The following F9 variants were observed in gnomAD, a reference collection of about 807,000 sequenced individuals.
F9 encodes the protein coagulation factor IX.
F9 carries 2 observed loss-of-function variants against 34.1 expected under a neutral mutation model. That is an observed-to-expected ratio of 0.06 (90% CI 0.02 to 0.18). F9 has a LOEUF of 0.18. F9 is among the 10% of genes least tolerant of loss of function. The probability of loss-of-function intolerance (pLI) is 1.00; values close to 1 mark genes in which losing one functional copy is unlikely to be tolerated. For synonymous variants in F9, 137 were observed against 118.8 expected (o/e 1.15, Z -1.00); for missense variants, 216 against 345.1 (o/e 0.63, Z 2.96).
At chrX:139,559,975 G>A (rs1026722069) in intron 6 of F9, among the ~76,000 whole-genome samples, 1 of 112,331 alleles carries the variant, frequency 8.9e-6, no homozygotes. Flanking sequence ...CTGTAATTAT[G>A]CAACGAATAT....
rs1374440076 is a variant in F9 at position 139,537,359 on chromosome X, T to C, written c.253-3T>C. On this transcript the variant is annotated splice_polypyrimidine_tract_variant and splice_region_variant and intron_variant, in intron 2 of 7. Coordinates refer to ENST00000218099, the MANE Select transcript of F9 (RefSeq NM_000133.4). ...TTAATTTGTCTTCTTTTATTCTTTA[T>C]AGACTGAATTTTGGAAGCAGTATGT... 14 of 1,188,745 alleles carry C rather than the reference T, an allele frequency of 1.2e-5. 1 individual carries two copies. The highest frequency in any genetic ancestry group is 1.6e-5 in the Non-Finnish European group (14 of 876,137).
intron 4 of F9, among the ~76,000 whole-genome samples, chrX:139,542,220 T>C (rs763400430): frequency 1.8e-5 from 2 of 112,002 alleles, no homozygotes; most frequent in Non-Finnish European, 3.8e-5. Flanking sequence ...AGAAATCCTT[T>C]CAGTACTAAA....
At chrX:139,550,932 A>AT (rs959637546) in intron 5 of F9, 130 bp from the exon 6 acceptor site, 9 of 530,540 alleles carry the variant, frequency 1.7e-5, no homozygotes, top group African/African-American at 2.4e-5. Flanking sequence ...CACTGATTAG[A>AT]TTTTTTTAAA....
rs1444158903 is a variant in F9, at chrX:139,547,308, G to A, written c.392-1055G>A. ...AATTTATATTCATAACTTGCAGAAA[G>A]CAAAAATTTCTTAAAATACAAAAAG... On this transcript the variant is annotated intron_variant, in intron 4 of 7. Coordinates refer to ENST00000218099, the MANE Select transcript of F9 (RefSeq NM_000133.4). The A allele has an allele frequency of 6.3e-5, 7 of 111,356 alleles. No individual in the cohort carries two copies. In the Admixed American group the frequency reaches 6.7e-4, roughly 11 times the overall value. The allele number at this position is 111,356 out of a possible 1,213,427, so 9.2% of individuals were successfully genotyped here. A position where few individuals can be genotyped will look rare whatever the true frequency, so the allele number is the denominator to read the frequency against.
chrX:139,548,854 T>C (rs1284204935), intron 5 of F9, among the ~76,000 whole-genome samples: 5 of 112,210 alleles, frequency 4.5e-5, no homozygotes, highest in Non-Finnish European at 9.4e-5. Flanking sequence ...GATAGGCTTC[T>C]AGTATAAGGA....
rs1334085115 is a variant in F9 at position 139,548,815 on chromosome X, T to C, written c.520+324T>C. Among the ~76,000 whole-genome samples the C allele has an allele frequency of 1.1e-4, 12 of 112,218 alleles. No individual in the cohort carries two copies. In the Admixed American group the frequency reaches 1.1e-3, roughly 11 times the overall value. ...AAGTCAAATCAATGTAGTAATACTATATCATAAAATATACACAAATAATTG... is the reference window on the plus strand; with the variant it reads ...AAGTCAAATCAATGTAGTAATACTACATCATAAAATATACACAAATAATTG... On this transcript the variant is annotated intron_variant, in intron 5 of 7. Coordinates refer to ENST00000218099, the MANE Select transcript of F9 (RefSeq NM_000133.4).
intron 1 of F9, among the ~76,000 whole-genome samples, chrX:139,536,270 T>TA (rs987764678): frequency 1.3e-4 from 14 of 106,707 alleles, no homozygotes; most frequent in Non-Finnish European, 2.3e-4. Flanking sequence ...TATGTATATA[T>TA]ATATGTACAC....
At chrX:139,536,806 C>T (rs180957505) in intron 1 of F9, among the ~76,000 whole-genome samples, 15 of 112,041 alleles carry the variant, frequency 1.3e-4, no homozygotes, top group Non-Finnish European at 2.6e-4. Context: ...ATTCTCTTGA[C>T]TAAAAGTAAA....
Position 139,538,931 on chromosome X carries a change from T to C in F9, c.277+1545T>C, listed in dbSNP as rs4149686. Among the ~76,000 whole-genome samples the C allele has an allele frequency of 4.6e-3, 501 of 110,000 alleles. 3 individuals carry two copies. Among genetic ancestry groups the C allele is most frequent in the African/African-American group, 0.015 (456 of 29,490 alleles). On this transcript the variant is annotated intron_variant, in intron 3 of 7. Coordinates refer to ENST00000218099, the MANE Select transcript of F9 (RefSeq NM_000133.4). ...GGAAAACATGGAGGGTATTATTCTG[T>C]TACTACTGCTTCGTCAACCAAAAAA...
intron 6 of F9, among the ~76,000 whole-genome samples, chrX:139,555,652 G>A (rs1927952006): frequency 8.9e-6 from 1 of 112,676 alleles, no homozygotes; most frequent in Admixed American, 9.3e-5. Context: ...AGAGCTCCTT[G>A]AGAACTCGGG....
chrX:139,543,437 T>A (rs1463033844), intron 4 of F9, among the ~76,000 whole-genome samples: 1 of 111,619 alleles, frequency 9.0e-6, no homozygotes, highest in East Asian at 2.8e-4. Flanking sequence ...TAAAGTAGAA[T>A]GGAAAGAAAA....
intron 1 of F9, among the ~76,000 whole-genome samples, chrX:139,534,619 C>T (rs1927413854): frequency 8.9e-6 from 1 of 112,420 alleles, no homozygotes; most frequent in Non-Finnish European, 1.9e-5. Context: ...ATAGCATTTA[C>T]ATTGTATTAG....
chrX:139,535,824 G>A (rs1314089492), intron 1 of F9, among the ~76,000 whole-genome samples: 1 of 111,186 alleles, frequency 9.0e-6, no homozygotes, highest in African/African-American at 3.3e-5. Flanking sequence ...GTGTCATTAA[G>A]CAATTTCATC....
At position 139,537,029 on chromosome X, in the gene F9, C is replaced by T. The variant is rs184837275; in HGVS notation, c.108C>T (p.Asn36=). 82 of 1,205,386 alleles carry T rather than the reference C, an allele frequency of 6.8e-5. No homozygotes were observed. In the Middle Eastern group the frequency reaches 6.9e-4, roughly 10 times the overall value. Residue 36 remains asparagine (N), a synonymous_variant, in exon 2 of 8, where the codon AAC becomes AAT. Coordinates refer to ENST00000218099, the MANE Select transcript of F9 (RefSeq NM_000133.4). The part of the protein sequence containing the change: ...AECTVFLDHE[N]ANKILNRPKR... ...TTTCAGTTTTTCTTGATCATGAAAA[C>T]GCCAACAAAATTCTGAATCGGCCAA...
chrX:139,536,634 C>T (rs1486409482), intron 1 of F9, among the ~76,000 whole-genome samples: 3 of 111,783 alleles, frequency 2.7e-5, no homozygotes, highest in Non-Finnish European at 3.8e-5. Context: ...CAACCATATT[C>T]TGAAAACAGC....
At chrX:139,542,206 G>A (rs745746844) in intron 4 of F9, among the ~76,000 whole-genome samples, 63 of 112,113 alleles carry the variant, frequency 5.6e-4, no homozygotes, top group African/African-American at 2.0e-3. Flanking sequence ...CTGTAATGTT[G>A]TTCAGAAATC....
rs763386596 is a variant in F9, at chrX:139,553,276, T to G, written c.723+2012T>G. On this transcript the variant is annotated intron_variant, in intron 6 of 7. Coordinates refer to ENST00000218099, the MANE Select transcript of F9 (RefSeq NM_000133.4). The stretch of plus-strand genomic sequence containing the variant: ...TCACTCATCCATATCTTTACTCTTC[T>G]TCACAACTCTGTAATATTGACCTTC... Among the ~76,000 whole-genome samples, 528 of 111,987 alleles carry G rather than the reference T, an allele frequency of 4.7e-3. 2 individuals are homozygous for G. Among genetic ancestry groups the G allele is most frequent in the African/African-American group, 0.016 (503 of 30,788 alleles).
Position 139,561,603 on chromosome X carries a change from T to C in F9, c.918T>C (p.Asn306=). 8.3e-7 allele frequency: 1 copy of C among 1,209,538 alleles called. No homozygotes were observed. The highest frequency in any genetic ancestry group is 1.1e-6 in the Non-Finnish European group (1 of 893,816). The part of the protein sequence containing the change: ...VIRIIPHHNY[N]AAINKYNHDI... ...GAATTATTCCTCACCACAACTACAA[T>C]GCAGCTATTAATAAGTACAACCATG... The change falls in exon 8 of 8, where the codon AAT becomes AAC. Residue 306 remains asparagine, a synonymous_variant. Transcript: ENST00000218099.
intron 4 of F9, among the ~76,000 whole-genome samples, chrX:139,545,610 G>A (rs187098308): frequency 2.2e-3 from 241 of 111,747 alleles, no homozygotes; most frequent in African/African-American, 7.5e-3. Flanking sequence ...ATGAAGGGAT[G>A]TGAAAAGAAC....
Sources: allele counts gnomAD v4.1 joint callset (sites outside exome capture counted in the v4.1 genomes callset), GRCh38; gene constraint gnomAD v4.1.1; transcripts MANE v1.5; gene names NCBI Gene and HGNC (gene_info 2026-07-23, HGNC 2026-07-21).